Variants in ATP10B observed in about 807,000 individuals in gnomAD.
The protein encoded by ATP10B is phospholipid-transporting ATPase VB.
Under a neutral mutation model 141.2 loss-of-function variants are expected in ATP10B, and 122 were observed. The observed-to-expected ratio is 0.86, with a 90% confidence interval of 0.75 to 1.00. ATP10B has a LOEUF of 1.00. Among genes scored for constraint, ATP10B ranks in the 50% least tolerant of loss-of-function variants. The pLI is 0.00. For missense variants in ATP10B, 1,876 were observed against 1,825.3 expected (o/e 1.03, Z -0.51); for synonymous variants, 685 against 692.0 (o/e 0.99, Z 0.16).
the ATP10B span, among the ~76,000 whole-genome samples, chr5:160,914,229 T>C: frequency 6.6e-6 from 1 of 152,178 alleles, no homozygotes. Context: ...TCTTCTATGT[T>C]GAGAACTGTG....
At chr5:160,731,637 G>C (rs1055683282) in intron 2 of ATP10B, among the ~76,000 whole-genome samples, 1 of 152,134 alleles carries the variant, frequency 6.6e-6, no homozygotes, top group Non-Finnish European at 1.5e-5. Context: ...AAGAGTACGA[G>C]TACTGGTGGA....
chr5:160,886,528 C>A, the ATP10B span, among the ~76,000 whole-genome samples: 1 of 152,124 alleles, frequency 6.6e-6, no homozygotes, highest in African/African-American at 2.4e-5. Flanking sequence ...ACAGATTTCA[C>A]AGAGCCTTAA....
At chr5:160,832,073 T>C (rs1775118209) in intron 1 of ATP10B, among the ~76,000 whole-genome samples, 1 of 151,846 alleles carries the variant, frequency 6.6e-6, no homozygotes, top group African/African-American at 2.4e-5. Context: ...AGCCCAGCAT[T>C]TGTCAACAAG....
chr5:160,921,506 G>A, the ATP10B span, among the ~76,000 whole-genome samples: 1 of 152,108 alleles, frequency 6.6e-6, no homozygotes, highest in Non-Finnish European at 1.5e-5. Context: ...AATAAATAGG[G>A]CTAGTTAATC....
chr5:160,849,030 A>C (rs547412531), intron 1 of ATP10B, among the ~76,000 whole-genome samples: 5 of 152,332 alleles, frequency 3.3e-5, no homozygotes, highest in Admixed American at 3.3e-4. Flanking sequence ...TTTCTGACTC[A>C]GCATGTCTGC....
intron 2 of ATP10B, among the ~76,000 whole-genome samples, chr5:160,731,130 A>C (rs1766712824): frequency 6.6e-6 from 1 of 152,230 alleles, no homozygotes; most frequent in African/African-American, 2.4e-5. Context: ...ATTCAACAGT[A>C]GTTTCTCTCA....
intron 20 of ATP10B, 71 bp from the exon 21 acceptor site, chr5:160,602,773 G>A: frequency 1.2e-6 from 2 of 1,601,722 alleles, no homozygotes; most frequent in East Asian, 2.3e-5. Flanking sequence ...TCTCTCAAGG[G>A]CGTTGCTTTG....
the ATP10B span, among the ~76,000 whole-genome samples, chr5:160,893,896 C>G: frequency 0.46 from 70,129 of 152,060 alleles, 17,280 homozygotes; most frequent in Non-Finnish European, 0.54. Flanking sequence ...GATACCCAGG[C>G]AAACAGGGTC....
At chr5:160,670,811 G>A (rs1026993703) in intron 6 of ATP10B, 144 bp from the exon 7 acceptor site, 11 of 670,396 alleles carry the variant, frequency 1.6e-5, no homozygotes, top group Non-Finnish European at 2.8e-5. Flanking sequence ...CCTTACCCCT[G>A]AATGACCACC....
chr5:160,777,045 G>A (rs181308245), intron 2 of ATP10B, among the ~76,000 whole-genome samples: 114 of 152,326 alleles, frequency 7.5e-4, no homozygotes, highest in African/African-American at 2.6e-3. Context: ...CCTCCCTGAT[G>A]TGATGGCAAA....
chr5:160,849,314 C>T lies in ATP10B; in HGVS notation c.-576+2627G>A, dbSNP rs577186179. ...TTAATGAGTTCAGATTGATACTGCA[C>T]CATACCAGAGCGACCTGCAAAAACT... On this transcript the variant is annotated intron_variant, in intron 1 of 25. Coordinates refer to ENST00000327245, the MANE Select transcript of ATP10B (RefSeq NM_025153.3). 5.9e-5 allele frequency among the ~76,000 whole-genome samples: 9 copies of T among 152,194 alleles called. 1 individual carries two copies. The highest frequency in any genetic ancestry group is 5.9e-5 in the Non-Finnish European group (4 of 67,996).
At chr5:160,565,955 T>C in intron 25 of ATP10B, 55 bp from the exon 26 acceptor site, 2 of 1,490,768 alleles carry the variant, frequency 1.3e-6, no homozygotes, top group Non-Finnish European at 9.1e-7. Context: ...CTTCATAAAC[T>C]TCAGCATTAA....
At chr5:160,675,409 G>C (rs896609758) in intron 6 of ATP10B, among the ~76,000 whole-genome samples, 4 of 152,302 alleles carry the variant, frequency 2.6e-5, no homozygotes, top group African/African-American at 9.6e-5. Context: ...ATTATTAAGA[G>C]GTAAATAAAC....
At chr5:160,747,995 GAAAAAAAAAAAA>G (rs3075589) in intron 2 of ATP10B, among the ~76,000 whole-genome samples, 1 of 99,068 alleles carries the variant, frequency 1.0e-5, no homozygotes, top group Non-Finnish European at 2.0e-5. Flanking sequence ...CATTGAGAGA[GAAAAAAAAAAAA>G]AAAAAAAAAG....
chr5:160,786,423 G>A (rs997086084), intron 1 of ATP10B, among the ~76,000 whole-genome samples: 3 of 152,010 alleles, frequency 2.0e-5, no homozygotes, highest in African/African-American at 7.2e-5. Context: ...TGGGTTTTCT[G>A]TTTTTCTTTT....
intron 3 of ATP10B, among the ~76,000 whole-genome samples, chr5:160,697,875 C>T (rs1346475983): frequency 6.6e-6 from 1 of 152,102 alleles, no homozygotes; most frequent in East Asian, 1.9e-4. Context: ...AGCTTTTAAC[C>T]CCCGATTGGT....
chr5:160,778,078 G>A (rs4921334), intron 2 of ATP10B, among the ~76,000 whole-genome samples: 65,066 of 151,928 alleles, frequency 0.43, 14,134 homozygotes, highest in East Asian at 0.55. Context: ...AAAAGTAGAG[G>A]GGCTGTAGAC....
intron 4 of ATP10B, 132 bp from the exon 5 acceptor site, chr5:160,688,226 ACT>A: frequency 1.2e-6 from 1 of 866,566 alleles, no homozygotes; most frequent in Non-Finnish European, 1.7e-6. Flanking sequence ...CTTCCTTGTA[ACT>A]AAAGGTCACT....
chr5:160,911,213 T>G, the ATP10B span, among the ~76,000 whole-genome samples: 3 of 152,208 alleles, frequency 2.0e-5, no homozygotes, highest in African/African-American at 7.2e-5. Flanking sequence ...ATTACCTTCC[T>G]TTTCATGGCT....
Sources: allele counts gnomAD v4.1 joint callset (sites outside exome capture counted in the v4.1 genomes callset), GRCh38; gene constraint gnomAD v4.1.1; transcripts MANE v1.5; gene names NCBI Gene and HGNC (gene_info 2026-07-23, HGNC 2026-07-21).